Variants in KAZN observed in about 807,000 individuals in gnomAD.
The protein encoded by KAZN is kazrin, periplakin interacting protein, also known as kazrin.
Under a neutral mutation model 87.4 loss-of-function variants are expected in KAZN, and 40 were observed. The ratio of observed to expected loss-of-function variants is 0.46; its 90% confidence interval spans 0.36 to 0.60. The LOEUF is 0.60. Ranked by LOEUF, KAZN falls within the 20% of genes least tolerant of loss-of-function variation. KAZN has a pLI of 0.00. For missense variants in KAZN, 898 were observed against 1,073.9 expected, an observed-to-expected ratio of 0.84 and a Z score of 2.29; for synonymous variants, 466 against 458.3, an observed-to-expected ratio of 1.02 and a Z score of -0.22.
At chr1:14,678,666 C>G (rs1557883441) in intron 1 of KAZN, among the ~76,000 whole-genome samples, 2 of 152,180 alleles carry the variant, frequency 1.3e-5, no homozygotes, top group Admixed American at 1.3e-4. Context: ...CAGGGCGAGC[C>G]CCTTCCCCTC....
At chr1:14,204,759 C>T (rs1210634404) in intron 2 of KAZN, among the ~76,000 whole-genome samples, 2 of 152,134 alleles carry the variant, frequency 1.3e-5, no homozygotes, top group Non-Finnish European at 2.9e-5. Context: ...CATGTAGAGT[C>T]GCAAAGTTAT....
chr1:13,974,262 GT>G (rs1383548495), intron 1 of KAZN, among the ~76,000 whole-genome samples: 1 of 152,218 alleles, frequency 6.6e-6, no homozygotes, highest in Non-Finnish European at 1.5e-5. Context: ...AAACCACATT[GT>G]ACAAACAATC....
At chr1:14,278,291 C>CTTT (rs869207394) in intron 2 of KAZN, among the ~76,000 whole-genome samples, 3 of 135,076 alleles carry the variant, frequency 2.2e-5, no homozygotes, top group Non-Finnish European at 3.2e-5. Context: ...GCACTGATTC[C>CTTT]TTTTTTTTTT....
At chr1:14,333,299 G>A (rs1036804112) in intron 2 of KAZN, among the ~76,000 whole-genome samples, 8 of 152,164 alleles carry the variant, frequency 5.3e-5, no homozygotes, top group African/African-American at 1.4e-4. Flanking sequence ...ATGGGCATTC[G>A]GGTTGATTCC....
At chr1:14,382,288 A>G (rs1661429559) in intron 2 of KAZN, among the ~76,000 whole-genome samples, 1 of 152,194 alleles carries the variant, frequency 6.6e-6, no homozygotes, top group Non-Finnish European at 1.5e-5. Flanking sequence ...CAATATCAAA[A>G]TACCATTCTT....
At chr1:14,475,942 T>C (rs375834176) in intron 2 of KAZN, among the ~76,000 whole-genome samples, 1 of 152,244 alleles carries the variant, frequency 6.6e-6, no homozygotes, top group East Asian at 1.9e-4. Context: ...TAAATCCTGA[T>C]TGAAGGGGAA....
rs1266715863 is a variant in KAZN at position 15,081,317 on chromosome 1, A to G, written c.1223-12863A>G. ...TGGCCACAATAGGAGTATTTACACC[A>G]CAGAAATTGGCAAGCAAATGCTAAA... On this transcript the variant is annotated intron_variant, in intron 8 of 14. Transcript: ENST00000376030. The surrounding 1 kb of genome is among the most constrained non-coding windows in gnomAD (Gnocchi z 4.1). 6.6e-6 allele frequency among the ~76,000 whole-genome samples: 1 copy of G among 152,168 alleles called. No homozygotes were observed. Among genetic ancestry groups the G allele is most frequent in the Non-Finnish European group, 1.5e-5 (1 of 68,046 alleles).
chr1:15,034,544 C>T (rs1233479407), intron 2 of KAZN, among the ~76,000 whole-genome samples: 8 of 152,184 alleles, frequency 5.3e-5, no homozygotes, highest in African/African-American at 1.7e-4. Flanking sequence ...AGGGGAGAAT[C>T]GGGGCTCTCG....
chr1:15,052,659 T>C (rs1011913604), intron 4 of KAZN, among the ~76,000 whole-genome samples: 2 of 152,096 alleles, frequency 1.3e-5, no homozygotes, highest in Non-Finnish European at 2.9e-5. Flanking sequence ...AGCAGGTGCA[T>C]GTATTTTAGA....
At chr1:14,534,951 C>T (rs1026444225) in intron 2 of KAZN, among the ~76,000 whole-genome samples, 1 of 152,182 alleles carries the variant, frequency 6.6e-6, no homozygotes, top group African/African-American at 2.4e-5. Flanking sequence ...TCATACCAGC[C>T]ATATCTTGAG....
At chr1:14,685,279 A>G (rs764186317) in intron 1 of KAZN, among the ~76,000 whole-genome samples, 59 of 152,280 alleles carry the variant, frequency 3.9e-4, no homozygotes, top group Non-Finnish European at 6.9e-4. Flanking sequence ...GAGCTACACA[A>G]CCTTAGGGGT....
intron 2 of KAZN, among the ~76,000 whole-genome samples, chr1:15,019,983 G>A (rs982440462): frequency 6.6e-6 from 1 of 152,138 alleles, no homozygotes; most frequent in African/African-American, 2.4e-5. Context: ...CGTTGTCGTG[G>A]CCTGTGCAGG....
chr1:15,114,425 T>C (rs1216179934), intron 14 of KAZN, 46 bp from the exon 15 acceptor site: 2 of 1,493,394 alleles, frequency 1.3e-6, no homozygotes, highest in South Asian at 2.4e-5. Context: ...TTCTTAATTC[T>C]TGTTTCTCTT....
chr1:14,564,167 C>T (rs775742823), intron 2 of KAZN, among the ~76,000 whole-genome samples: 15 of 152,254 alleles, frequency 9.9e-5, no homozygotes, highest in Admixed American at 3.9e-4. Flanking sequence ...CAGCGCACCT[C>T]TTCCTGGTTG....
At chr1:14,038,947 T>A (rs1040099845) in intron 1 of KAZN, among the ~76,000 whole-genome samples, 1 of 151,998 alleles carries the variant, frequency 6.6e-6, no homozygotes, top group Non-Finnish European at 1.5e-5. Flanking sequence ...AGGTGGATCA[T>A]GAGGTCAGGA....
Position 14,235,562 on chromosome 1 carries a change from C to G in KAZN, c.249+54970C>G, listed in dbSNP as rs1030931416. ...TGATGGCCGCACAACTCTGAATACA[C>G]TAAAAACGTCTGATTTGTCACTTTA... On this transcript the variant is annotated intron_variant, in intron 2 of 16. Transcript: ENST00000636203. Among the ~76,000 whole-genome samples, 3 of 152,106 alleles carry G rather than the reference C, an allele frequency of 2.0e-5. 1 individual carries two copies. Among genetic ancestry groups the G allele is most frequent in the Non-Finnish European group, 4.4e-5 (3 of 68,012 alleles).
At chr1:14,609,280 G>A (rs1039165953) in intron 1 of KAZN, among the ~76,000 whole-genome samples, 3 of 152,234 alleles carry the variant, frequency 2.0e-5, no homozygotes, top group East Asian at 1.9e-4. Flanking sequence ...GCCTGTTCTC[G>A]GGCAAACATG....
At chr1:14,693,814 G>A (rs1321429055) in intron 1 of KAZN, among the ~76,000 whole-genome samples, 4 of 152,176 alleles carry the variant, frequency 2.6e-5, no homozygotes. Context: ...AGCATGTTAA[G>A]TTGTGCTTGC....
intron 8 of KAZN, among the ~76,000 whole-genome samples, chr1:15,090,580 G>A (rs937983537): frequency 1.4e-4 from 22 of 152,274 alleles, no homozygotes; most frequent in Non-Finnish European, 1.0e-4. Flanking sequence ...GGCAGCTGCT[G>A]CCGTTTCCGC....
Sources: gnomAD v4.1 joint callset for allele counts (sites outside exome capture counted in the v4.1 genomes callset) on GRCh38, gnomAD v4.1.1 for gene constraint, Gnocchi (gnomAD v3.1) non-coding constraint, MANE v1.5 for transcripts, NCBI Gene and HGNC (gene_info 2026-07-23, HGNC 2026-07-21) for gene names.